The following CDH13 variants were observed in gnomAD, a reference collection of about 807,000 sequenced individuals.
CDH13 encodes cadherin-13.
In CDH13, 24 loss-of-function variants were observed where a neutral mutation model predicts 63.8. The ratio of observed to expected loss-of-function variants is 0.38; its 90% CI spans 0.27 to 0.53. The LOEUF is 0.53. Among genes scored for constraint, CDH13 ranks in the 20% least tolerant of loss-of-function variants. The pLI is 0.85. For missense variants in CDH13, 1,049 were observed against 903.1 expected (o/e 1.16, Z -2.07); for synonymous variants, 503 against 355.3 (o/e 1.42, Z -4.67).
intron 1 of CDH13, among the ~76,000 whole-genome samples, chr16:82,841,310 G>C (rs961770044): frequency 6.6e-6 from 1 of 152,344 alleles, no homozygotes; most frequent in African/African-American, 2.4e-5. Flanking sequence ...GTTAGTGCTT[G>C]CTTGCCCTTG....
chr16:83,429,244 C>A (rs1303497699), intron 6 of CDH13, among the ~76,000 whole-genome samples: 1 of 152,280 alleles, frequency 6.6e-6, no homozygotes, highest in African/African-American at 2.4e-5. Flanking sequence ...CCATTTATGA[C>A]AAGAGTGGCC....
chr16:83,300,770 G>T (rs1248501928), intron 5 of CDH13, among the ~76,000 whole-genome samples: 1 of 152,106 alleles, frequency 6.6e-6, no homozygotes, highest in African/African-American at 2.4e-5. Flanking sequence ...TATATATGCA[G>T]GTTTACATAT....
intron 5 of CDH13, among the ~76,000 whole-genome samples, chr16:83,281,111 G>A (rs143865628): frequency 4.6e-5 from 7 of 152,132 alleles, no homozygotes; most frequent in South Asian, 2.1e-4. Flanking sequence ...AGTCCTACAC[G>A]GCATCTTCTT....
At chr16:82,672,298 A>T (rs966635185) in intron 1 of CDH13, among the ~76,000 whole-genome samples, 13 of 152,200 alleles carry the variant, frequency 8.5e-5, no homozygotes, top group African/African-American at 3.1e-4. Context: ...TGTCTTCCTC[A>T]TTATTACTCC....
chr16:82,672,271 C>T (rs1913342380), intron 1 of CDH13, among the ~76,000 whole-genome samples: 2 of 152,262 alleles, frequency 1.3e-5, no homozygotes, highest in Middle Eastern at 3.4e-3. Flanking sequence ...ATAATGTATG[C>T]ACACCATTGA....
At chr16:82,961,576 A>AAAAAAAAC (rs1907002925) in intron 2 of CDH13, among the ~76,000 whole-genome samples, 1 of 147,852 alleles carries the variant, frequency 6.8e-6, no homozygotes, top group African/African-American at 2.6e-5. Context: ...GGGACTTAAA[A>AAAAAAAAC]AAAAAAAAAA....
chr16:82,673,935 G>A (rs1179435149), intron 1 of CDH13, among the ~76,000 whole-genome samples: 3 of 152,222 alleles, frequency 2.0e-5, no homozygotes, highest in African/African-American at 4.8e-5. Context: ...TCTTTAGTAT[G>A]TGAGTTGGTT....
At chr16:83,753,960 T>C (rs1172500300) in intron 11 of CDH13, among the ~76,000 whole-genome samples, 21 of 151,942 alleles carry the variant, frequency 1.4e-4, no homozygotes, top group African/African-American at 4.6e-4. Flanking sequence ...CCTTTTTTTT[T>C]CTCTGGGTGC....
At chr16:83,317,618 T>A (rs183774264) in intron 5 of CDH13, among the ~76,000 whole-genome samples, 1 of 152,188 alleles carries the variant, frequency 6.6e-6, no homozygotes, top group Admixed American at 6.5e-5. Context: ...CTGACCAACA[T>A]GGTGAAACCC....
At chr16:82,866,744 G>A (rs56759578) in intron 2 of CDH13, among the ~76,000 whole-genome samples, 63 of 152,232 alleles carry the variant, frequency 4.1e-4, no homozygotes, top group African/African-American at 1.4e-3. Flanking sequence ...GTGGAAGGCA[G>A]AGAGAAAGCA....
chr16:83,729,295 A>G lies in CDH13; in HGVS notation c.1539-18813A>G, dbSNP rs548404192. Among the ~76,000 whole-genome samples the G allele has an allele frequency of 5.3e-5, 8 of 152,344 alleles. No individual in the cohort carries two copies. In the South Asian group the frequency reaches 1.0e-3, roughly 20 times the overall value. ...ATATTATACATATGTGTATGTATAT[A>G]TAGTAAATATACCATCTATAGTAAT... On this transcript the variant is annotated intron_variant, in intron 10 of 13. Transcript: ENST00000567109.
intron 2 of CDH13, among the ~76,000 whole-genome samples, chr16:83,016,536 G>T (rs1269576337): frequency 6.6e-6 from 1 of 152,190 alleles, no homozygotes; most frequent in African/African-American, 2.4e-5. Context: ...AAATTTTCAA[G>T]GTGTGGAAGC....
At chr16:82,861,293 T>C (rs1246199355) in intron 2 of CDH13, among the ~76,000 whole-genome samples, 1 of 152,216 alleles carries the variant, frequency 6.6e-6, no homozygotes, top group Non-Finnish European at 1.5e-5. Flanking sequence ...TTTGCAATAT[T>C]TAAGAGCTTT....
chr16:82,886,993 C>T (rs1238718905), intron 2 of CDH13, among the ~76,000 whole-genome samples: 1 of 152,098 alleles, frequency 6.6e-6, no homozygotes, highest in Non-Finnish European at 1.5e-5. Context: ...TTTCTTTATC[C>T]TTATTTTTAA....
At chr16:82,956,933 A>T (rs537509413) in intron 2 of CDH13, among the ~76,000 whole-genome samples, 2 of 152,324 alleles carry the variant, frequency 1.3e-5, no homozygotes, top group South Asian at 4.1e-4. Flanking sequence ...TTCTAGATTG[A>T]CATGGTGGCC....
At chr16:83,173,466 A>T (rs8054149) in intron 4 of CDH13, among the ~76,000 whole-genome samples, 1 of 151,708 alleles carries the variant, frequency 6.6e-6, no homozygotes, top group African/African-American at 2.4e-5. Context: ...TTATTAAGGC[A>T]AGATCTCTTG....
chr16:83,058,997 T>G (rs1250267269), intron 3 of CDH13, among the ~76,000 whole-genome samples: 1 of 152,218 alleles, frequency 6.6e-6, no homozygotes, highest in Non-Finnish European at 1.5e-5. Flanking sequence ...TTACTGTATC[T>G]GCCTTAGTTG....
chr16:83,525,318 C>G (rs962210583), intron 7 of CDH13, among the ~76,000 whole-genome samples: 1 of 152,204 alleles, frequency 6.6e-6, no homozygotes, highest in East Asian at 1.9e-4. Context: ...TGCACACTGA[C>G]TTATTTAACC....
At chr16:82,738,432 C>G (rs1375554637) in intron 1 of CDH13, among the ~76,000 whole-genome samples, 2 of 152,226 alleles carry the variant, frequency 1.3e-5, no homozygotes, top group African/African-American at 4.8e-5. Flanking sequence ...TGAAATCTCT[C>G]TCATTCTCAC....
Sources: gnomAD v4.1 joint callset for allele counts (sites outside exome capture counted in the v4.1 genomes callset) on GRCh38, gnomAD v4.1.1 for gene constraint, MANE v1.5 for transcripts, NCBI Gene and HGNC (gene_info 2026-07-23, HGNC 2026-07-21) for gene names.